Variants in PABIR3 observed in about 807,000 individuals in gnomAD.
PABIR3 encodes the protein PABIR family member 3.
A neutral mutation model predicts 23.1 loss-of-function variants in PABIR3; 20 were observed. That is an observed-to-expected ratio of 0.86 (90% CI 0.61 to 1.26). PABIR3 has a LOEUF of 1.26. Among genes scored for constraint, PABIR3 ranks in the 50% most tolerant of loss-of-function variants. PABIR3 has a pLI of 0.00. For missense variants in PABIR3, 189 were observed against 195.4 expected (o/e 0.97, Z 0.20); for synonymous variants, 69 against 68.5 (o/e 1.01, Z -0.04).
At chrX:134,861,151 T>A in the PABIR3 span, among the ~76,000 whole-genome samples, 2 of 110,434 alleles carry the variant, frequency 1.8e-5, no homozygotes, top group South Asian at 7.7e-4. Flanking sequence ...GGTGGGTGCC[T>A]GTAGTCCCAG....
intron 3 of PABIR3, among the ~76,000 whole-genome samples, chrX:134,828,047 C>CTCTCTCTCTCTATATATATATATATA (rs1466733144): frequency 2.0e-5 from 1 of 49,420 alleles, no homozygotes; most frequent in African/African-American, 8.2e-5. Context: ...CTCTCTCTCT[C>CTCTCTCTCTCTATATATATATATATA]TATATATATA....
chrX:134,808,626 C>T (rs1051061810), intron 2 of PABIR3, among the ~76,000 whole-genome samples: 2 of 111,898 alleles, frequency 1.8e-5, no homozygotes, highest in Non-Finnish European at 3.8e-5. Context: ...GTGATCCGCC[C>T]GCCTCGGCCT....
chrX:134,801,461 C>T (rs971349180), intron 1 of PABIR3, among the ~76,000 whole-genome samples: 1 of 112,578 alleles, frequency 8.9e-6, no homozygotes, highest in Non-Finnish European at 1.9e-5. Flanking sequence ...AGCCCCCATT[C>T]AGCTTAAGGC....
chrX:134,815,212 C>A (rs1208239232), intron 3 of PABIR3, among the ~76,000 whole-genome samples: 2 of 107,241 alleles, frequency 1.9e-5, no homozygotes, highest in African/African-American at 6.8e-5. Flanking sequence ...AAAGAAAATT[C>A]TAACTTTGAG....
At chrX:134,841,232 G>C (rs1233382962) in intron 4 of PABIR3, among the ~76,000 whole-genome samples, 2 of 110,611 alleles carry the variant, frequency 1.8e-5, no homozygotes, top group African/African-American at 6.6e-5. Context: ...CAAAGTGCTG[G>C]GATTACAGGC....
intron 4 of PABIR3, among the ~76,000 whole-genome samples, chrX:134,838,364 AG>A (rs953102029): frequency 9.2e-6 from 1 of 108,320 alleles, no homozygotes; most frequent in Non-Finnish European, 1.9e-5. Flanking sequence ...CCCAGGCTGG[AG>A]TGCAGTGGCG....
chrX:134,806,328 A>G (rs760547609), upstream of PABIR3, among the ~76,000 whole-genome samples: 5 of 112,060 alleles, frequency 4.5e-5, no homozygotes, highest in Non-Finnish European at 9.4e-5. Flanking sequence ...GTAAAAATAC[A>G]CACTGAGGCA....
intron 2 of PABIR3, chrX:134,810,119 T>G: frequency 8.0e-6 from 6 of 753,232 alleles, no homozygotes; most frequent in Non-Finnish European, 9.4e-6. Context: ...AAAGAAGAAA[T>G]AGGTTGCAAA....
chrX:134,821,662 C>G (rs746312573), intron 3 of PABIR3: 183 of 1,071,532 alleles, frequency 1.7e-4, no homozygotes, highest in Non-Finnish European at 2.2e-4. Context: ...TTCCTATTGG[C>G]AACCACAAAC....
At chrX:134,818,150 G>A (rs769825397) in intron 3 of PABIR3, among the ~76,000 whole-genome samples, 43 of 111,591 alleles carry the variant, frequency 3.9e-4, no homozygotes, top group Non-Finnish European at 7.7e-4. Context: ...ATTTACAAAG[G>A]AGGATGAGTT....
rs1179498500 is a variant in PABIR3, at chrX:134,807,283, T to A, written c.-118T>A. 3.3e-6 allele frequency: 3 copies of A among 922,624 alleles called. No individual in the cohort carries two copies. The East Asian group carries it at 1.4e-4, about 42-fold the overall frequency. 76.0% of individuals were successfully genotyped at this position (922,624 alleles called of 1,213,427 possible). ...CATGAGTTGCCAGGGCTGAGAGAGA[T>A]GGAGAAGGATTCGCGGCGGTGACAG... On this transcript the variant is annotated 5_prime_UTR_variant, in exon 1 of 11. The change abolishes an upstream ATG in the 5' untranslated region. Coordinates refer to ENST00000645433, the MANE Select transcript of PABIR3 (RefSeq NM_001388447.1).
intron 2 of PABIR3, among the ~76,000 whole-genome samples, chrX:134,813,847 G>A (rs1352919653): frequency 9.0e-6 from 1 of 111,074 alleles, no homozygotes. Context: ...CAAAGCTGAG[G>A]ACACTGACCT....
At chrX:134,838,143 T>C (rs2082030632) in intron 4 of PABIR3, among the ~76,000 whole-genome samples, 1 of 111,303 alleles carries the variant, frequency 9.0e-6, no homozygotes, top group Admixed American at 9.6e-5. Context: ...TCCTTATTTT[T>C]CTACTGTATC....
upstream of PABIR3, among the ~76,000 whole-genome samples, chrX:134,806,617 CAAAAAAA>C (rs112975762): frequency 1.5e-5 from 1 of 68,488 alleles, no homozygotes; most frequent in Non-Finnish European, 3.0e-5. Context: ...AATTCCATCT[CAAAAAAA>C]AAAAAACAAA....
In PABIR3 at chrX:134,821,524, C is replaced by G. The variant is rs181602057; in HGVS notation, c.189+6675C>G. ...TCACTGCGTCACTTCTCCATCCCCA[C>G]CCCCTCCTCTTCCAAAGGAAGCAGG... On this transcript the variant is annotated intron_variant, in intron 3 of 10. Transcript: ENST00000645433. 2.3e-5 allele frequency: 26 copies of G among 1,149,855 alleles called. 1 individual carries two copies. In the East Asian group the frequency reaches 5.9e-4, roughly 26 times the overall value. 94.8% of individuals were successfully genotyped at this position (1,149,855 alleles called of 1,213,427 possible).
At chrX:134,853,772 A>G (rs1025926631) in intron 10 of PABIR3, among the ~76,000 whole-genome samples, 1 of 110,948 alleles carries the variant, frequency 9.0e-6, no homozygotes, top group Non-Finnish European at 1.9e-5. Flanking sequence ...GGCGTGTGCC[A>G]CCACACCTGG....
intron 3 of PABIR3, among the ~76,000 whole-genome samples, chrX:134,824,385 G>A (rs1654397624): frequency 8.9e-6 from 1 of 112,083 alleles, no homozygotes; most frequent in Non-Finnish European, 1.9e-5. Flanking sequence ...ATAATATTCA[G>A]CACTTAAAAT....
At chrX:134,796,381 G>A, upstream of PABIR3, 1 of 411,325 alleles carries the variant, frequency 2.4e-6, no homozygotes, top group Non-Finnish European at 4.3e-6. Flanking sequence ...AGTAGGAGAG[G>A]AGGAGGGAAG....
chrX:134,843,982 T>G (rs2148335331), intron 4 of PABIR3: 1 of 98,344 alleles, frequency 1.0e-5, no homozygotes, highest in Non-Finnish European at 2.0e-5. Flanking sequence ...TGGAGTACAG[T>G]AGTGCAATTT....
Sources: allele counts gnomAD v4.1 joint callset (sites outside exome capture counted in the v4.1 genomes callset), GRCh38; gene constraint gnomAD v4.1.1; transcripts MANE v1.5; gene names NCBI Gene and HGNC (gene_info 2026-07-23, HGNC 2026-07-21).